Variants in CSMD1 observed in about 807,000 individuals in gnomAD.
The protein encoded by CSMD1 is CUB and sushi domain-containing protein 1.
A neutral mutation model predicts 417.5 loss-of-function variants in CSMD1; 213 were observed. That is an observed-to-expected ratio of 0.51 (90% confidence interval 0.46 to 0.57). The LOEUF (loss-of-function observed/expected upper bound fraction) is 0.57, where lower values mean the gene tolerates loss of function less well. Among genes scored for constraint, CSMD1 ranks in the 20% least tolerant of loss-of-function variants. The probability of loss-of-function intolerance (pLI) is 0.00; values close to 1 mark genes in which losing one functional copy is unlikely to be tolerated. For missense variants in CSMD1, 6,923 were observed against 4,529.7 expected (o/e 1.53, Z -15.17); for synonymous variants, 2,862 against 1,736.8 (o/e 1.65, Z -16.11).
chr8:3,010,479 G>A (rs1255361628), intron 52 of CSMD1, among the ~76,000 whole-genome samples: 4 of 152,080 alleles, frequency 2.6e-5, no homozygotes, highest in East Asian at 3.9e-4. Context: ...CCAGGCGGCC[G>A]TCGAGAGTTC....
At chr8:3,962,006 C>T (rs114059514) in intron 5 of CSMD1, among the ~76,000 whole-genome samples, 2,561 of 152,230 alleles carry the variant, frequency 0.017, 61 homozygotes, top group African/African-American at 0.057. Context: ...CAAAGACATG[C>T]GTGCTTGTGT....
chr8:4,871,735 C>G (rs1473688829), intron 1 of CSMD1, among the ~76,000 whole-genome samples: 1 of 152,042 alleles, frequency 6.6e-6, no homozygotes. Context: ...TTTCAGAGTT[C>G]ATATTATTGT....
At chr8:4,150,354 A>C (rs796715111) in intron 3 of CSMD1, among the ~76,000 whole-genome samples, 1 of 152,116 alleles carries the variant, frequency 6.6e-6, no homozygotes, top group African/African-American at 2.4e-5. Context: ...ATTCTAACTC[A>C]GTGTCTGCAG....
chr8:3,930,666 C>G lies in CSMD1; in HGVS notation c.818+67237G>C, dbSNP rs888933173. 2.3e-4 allele frequency among the ~76,000 whole-genome samples: 34 copies of G among 150,182 alleles called. 2 individuals are homozygous for G. Among genetic ancestry groups the G allele is most frequent in the African/African-American group, 8.4e-4 (34 of 40,686 alleles). On this transcript the variant is annotated intron_variant, in intron 5 of 69. Transcript: ENST00000635120. ...CTGTCTCCTTTGTTCGGTGTACTGT[C>G]ATGGCAAAACTGCTGGCAAGTGTAC...
At chr8:3,291,504 C>T (rs960435900) in intron 25 of CSMD1, among the ~76,000 whole-genome samples, 7 of 151,922 alleles carry the variant, frequency 4.6e-5, no homozygotes, top group African/African-American at 1.7e-4. Flanking sequence ...CAATTTCAGA[C>T]CCTGTTATTG....
At chr8:3,210,975 AAATACACCAGGGGATGC>A (rs1797570412) in intron 30 of CSMD1, among the ~76,000 whole-genome samples, 1 of 152,112 alleles carries the variant, frequency 6.6e-6, no homozygotes, top group African/African-American at 2.4e-5. Flanking sequence ...AGTGGGGGAA[AAATACACCAGGGGATGC>A]AAAAATCATT....
chr8:4,738,459 A>G (rs1392076408), intron 1 of CSMD1, among the ~76,000 whole-genome samples: 1 of 152,036 alleles, frequency 6.6e-6, no homozygotes, highest in Non-Finnish European at 1.5e-5. Flanking sequence ...ATCAGATCTC[A>G]TGAGAACAAA....
chr8:3,039,620 C>G (rs961910069), intron 50 of CSMD1, among the ~76,000 whole-genome samples: 1 of 152,024 alleles, frequency 6.6e-6, no homozygotes, highest in African/African-American at 2.4e-5. Context: ...CCTGAGGAGG[C>G]ATTTTGCACT....
At chr8:4,050,939 T>C (rs1798392909) in intron 3 of CSMD1, among the ~76,000 whole-genome samples, 1 of 152,204 alleles carries the variant, frequency 6.6e-6, no homozygotes, top group South Asian at 2.1e-4. Flanking sequence ...TTCCCATCCA[T>C]GATAAGGTCT....
At chr8:4,318,144 G>C (rs887533095) in intron 3 of CSMD1, among the ~76,000 whole-genome samples, 20 of 152,054 alleles carry the variant, frequency 1.3e-4, no homozygotes, top group African/African-American at 4.3e-4. Context: ...TGTTATTTAT[G>C]AAATAATATG....
intron 17 of CSMD1, 108 bp downstream of exon 17, chr8:3,396,086 G>T (rs988022099): frequency 3.3e-5 from 30 of 911,394 alleles, no homozygotes; most frequent in African/African-American, 5.0e-5. Context: ...GAGTCAAGCA[G>T]GATCAGTAAA....
intron 7 of CSMD1, among the ~76,000 whole-genome samples, chr8:3,647,790 G>T (rs1412575510): frequency 3.3e-5 from 5 of 152,186 alleles, no homozygotes; most frequent in South Asian, 4.1e-4. Context: ...AAGAGAGAGA[G>T]ATATTGAAAA....
intron 1 of CSMD1, among the ~76,000 whole-genome samples, chr8:4,832,235 T>C (rs892977419): frequency 6.6e-6 from 1 of 152,092 alleles, no homozygotes; most frequent in East Asian, 1.9e-4. Context: ...GGGATTTGGA[T>C]GAGGACATTA....
At chr8:3,844,631 G>C (rs1465245600) in intron 5 of CSMD1, among the ~76,000 whole-genome samples, 1 of 152,138 alleles carries the variant, frequency 6.6e-6, no homozygotes, top group East Asian at 1.9e-4. Context: ...CAGATGGAAG[G>C]AGAACGGTGG....
intron 3 of CSMD1, among the ~76,000 whole-genome samples, chr8:4,143,411 G>A (rs1803915025): frequency 6.7e-6 from 1 of 148,754 alleles, no homozygotes; most frequent in South Asian, 2.1e-4. Context: ...TTAATTAGGT[G>A]GAACCCAGGC....
intron 1 of CSMD1, among the ~76,000 whole-genome samples, chr8:4,935,214 G>T (rs1294688134): frequency 6.6e-6 from 1 of 152,120 alleles, no homozygotes; most frequent in African/African-American, 2.4e-5. Context: ...CCCATATGTG[G>T]TCCCTGGATC....
At chr8:4,114,719 TAGA>T (rs961320393) in intron 3 of CSMD1, among the ~76,000 whole-genome samples, 1 of 152,190 alleles carries the variant, frequency 6.6e-6, no homozygotes, top group African/African-American at 2.4e-5. Context: ...AATAGGAGTT[TAGA>T]AGAAGTTGAT....
At chr8:3,550,651 TG>T (rs1242502620) in intron 10 of CSMD1, among the ~76,000 whole-genome samples, 1 of 152,176 alleles carries the variant, frequency 6.6e-6, no homozygotes, top group Non-Finnish European at 1.5e-5. Flanking sequence ...CCTTTCTTAC[TG>T]GTTTGCTTTC....
intron 25 of CSMD1, among the ~76,000 whole-genome samples, chr8:3,291,561 G>A (rs533484477): frequency 1.3e-5 from 2 of 152,272 alleles, no homozygotes; most frequent in Admixed American, 6.5e-5. Context: ...TTGGGAGGAT[G>A]TATGTGTCGA....
Sources: gnomAD v4.1 joint callset for allele counts (sites outside exome capture counted in the v4.1 genomes callset) on GRCh38, gnomAD v4.1.1 for gene constraint, MANE v1.5 for transcripts, NCBI Gene and HGNC (gene_info 2026-07-23, HGNC 2026-07-21) for gene names.